Variants in NEGR1 observed in about 807,000 individuals in gnomAD.
The protein encoded by NEGR1 is neuronal growth regulator 1.
In NEGR1, 10 loss-of-function variants were observed where a neutral mutation model predicts 40.9. The observed-to-expected ratio is 0.24, with a 90% confidence interval of 0.15 to 0.42. The LOEUF (loss-of-function observed/expected upper bound fraction) is 0.42. Among genes scored for constraint, NEGR1 ranks in the 10% least tolerant of loss-of-function variants. NEGR1 has a pLI of 1.00. For synonymous variants in NEGR1, 185 were observed against 166.8 expected (o/e 1.11, Z -0.84); for missense variants, 352 against 438.9 (o/e 0.80, Z 1.77).
intron 1 of NEGR1, among the ~76,000 whole-genome samples, chr1:72,130,536 CT>C (rs1485203860): frequency 1.3e-5 from 2 of 152,032 alleles, no homozygotes; most frequent in Non-Finnish European, 2.9e-5. Flanking sequence ...GCGTTTAGTG[CT>C]TTTTTGGAAT....
intron 5 of NEGR1, among the ~76,000 whole-genome samples, chr1:71,597,408 T>TTC (rs1649747018): frequency 2.3e-5 from 1 of 43,706 alleles, no homozygotes; most frequent in Non-Finnish European, 8.5e-5. Flanking sequence ...GGATGGAGTT[T>TTC]TATTTATATA....
At chr1:71,663,685 T>C (rs1194967012) in intron 4 of NEGR1, among the ~76,000 whole-genome samples, 1 of 152,200 alleles carries the variant, frequency 6.6e-6, no homozygotes, top group East Asian at 1.9e-4. Context: ...CTTTAGAAAA[T>C]TGAACTCAAT....
chr1:71,861,110 G>A (rs1659932493), intron 2 of NEGR1, among the ~76,000 whole-genome samples: 1 of 151,998 alleles, frequency 6.6e-6, no homozygotes, highest in Non-Finnish European at 1.5e-5. Context: ...TGTATATTGA[G>A]AATAGTGTTT....
At chr1:72,095,906 C>T (rs1648679076) in intron 1 of NEGR1, among the ~76,000 whole-genome samples, 1 of 152,062 alleles carries the variant, frequency 6.6e-6, no homozygotes, top group African/African-American at 2.4e-5. Flanking sequence ...TTCTCTTTTC[C>T]TTTCCACTTT....
At chr1:71,884,901 G>A (rs75242028) in intron 2 of NEGR1, among the ~76,000 whole-genome samples, 6,178 of 152,214 alleles carry the variant, frequency 0.041, 177 homozygotes, top group Non-Finnish European at 0.062. Flanking sequence ...TTTTCTAGGT[G>A]TATGAAATAA....
At chr1:71,486,668 G>T (rs1569933993) in intron 6 of NEGR1, 1 of 151,384 alleles carries the variant, frequency 6.6e-6, no homozygotes, top group African/African-American at 2.4e-5. Flanking sequence ...GTCTGTTATA[G>T]GAGTCCTAAA....
At chr1:71,760,028 G>C (rs778262825) in intron 3 of NEGR1, among the ~76,000 whole-genome samples, 2 of 151,980 alleles carry the variant, frequency 1.3e-5, no homozygotes, top group African/African-American at 2.4e-5. Flanking sequence ...TGAAAAAATC[G>C]AATTCACAAA....
chr1:71,684,295 A>T (rs568228564), intron 4 of NEGR1, among the ~76,000 whole-genome samples: 1 of 152,194 alleles, frequency 6.6e-6, no homozygotes, highest in Non-Finnish European at 1.5e-5. Flanking sequence ...ACGCATATTA[A>T]TTAAATATTA....
chr1:72,264,950 T>C (rs1461984170), intron 1 of NEGR1, among the ~76,000 whole-genome samples: 1 of 150,678 alleles, frequency 6.6e-6, no homozygotes, highest in African/African-American at 2.4e-5. Flanking sequence ...ATTATGTTAA[T>C]ATAATAAATT....
intron 1 of NEGR1, among the ~76,000 whole-genome samples, chr1:71,990,287 C>A (rs578249032): frequency 6.5e-4 from 99 of 152,250 alleles, no homozygotes; most frequent in Non-Finnish European, 1.3e-3. Context: ...TGAAGCGCCT[C>A]AACAATTATG....
intron 4 of NEGR1, among the ~76,000 whole-genome samples, chr1:71,695,700 A>G (rs12140971): frequency 2.0e-5 from 3 of 151,518 alleles, no homozygotes; most frequent in Non-Finnish European, 4.4e-5. Flanking sequence ...AGAATTCTGC[A>G]TGGGTCTTTC....
At chr1:71,866,243 G>C (rs974461324) in intron 2 of NEGR1, among the ~76,000 whole-genome samples, 1 of 151,968 alleles carries the variant, frequency 6.6e-6, no homozygotes, top group Non-Finnish European at 1.5e-5. Context: ...TTACAACTAA[G>C]AAACACAAGA....
intron 1 of NEGR1, among the ~76,000 whole-genome samples, chr1:72,211,330 A>T (rs1453293784): frequency 6.6e-6 from 1 of 151,678 alleles, no homozygotes; most frequent in Admixed American, 6.6e-5. Context: ...AGCCTTTATA[A>T]AGCCTTTATA....
At chr1:72,101,406 T>G (rs1469255239) in intron 1 of NEGR1, among the ~76,000 whole-genome samples, 1 of 152,110 alleles carries the variant, frequency 6.6e-6, no homozygotes, top group Non-Finnish European at 1.5e-5. Context: ...GCTTTTAAAA[T>G]ATTGTTCAAT....
chr1:71,731,233 G>GA (rs1158749754), intron 3 of NEGR1, among the ~76,000 whole-genome samples: 2 of 151,586 alleles, frequency 1.3e-5, no homozygotes, highest in Non-Finnish European at 2.9e-5. Context: ...TCTCATTTTT[G>GA]AAAAAAATAC....
chr1:71,473,146 G>A (rs1646793406), intron 6 of NEGR1, among the ~76,000 whole-genome samples: 1 of 152,072 alleles, frequency 6.6e-6, no homozygotes, highest in African/African-American at 2.4e-5. Flanking sequence ...GATAACAGTT[G>A]AGACTTTCCC....
intron 1 of NEGR1, among the ~76,000 whole-genome samples, chr1:72,236,393 C>T (rs188341822): frequency 1.3e-3 from 196 of 151,758 alleles, no homozygotes; most frequent in South Asian, 5.2e-3. Flanking sequence ...AACAAACCTG[C>T]GCGTTCTGCA....
rs150899774 is a variant in NEGR1, at chr1:72,198,349, G to A, written c.176+83970C>T. On this transcript the variant is annotated intron_variant, in intron 1 of 6. Transcript: ENST00000357731. ...AGTAGCTGACATGAGATGTAATATGGGAACTGAAAAGACTTAAGCCATGAG... is the reference window on the plus strand; with the variant it reads ...AGTAGCTGACATGAGATGTAATATGAGAACTGAAAAGACTTAAGCCATGAG... 3.9e-5 allele frequency among the ~76,000 whole-genome samples: 6 copies of A among 152,006 alleles called. No individual in the cohort carries two copies. In the East Asian group the frequency reaches 9.7e-4, roughly 25 times the overall value.
At chr1:72,162,777 C>T (rs1006215698) in intron 1 of NEGR1, among the ~76,000 whole-genome samples, 1 of 152,108 alleles carries the variant, frequency 6.6e-6, no homozygotes, top group East Asian at 1.9e-4. Context: ...CAATCATGGT[C>T]TTATTATGTG....
Sources: gnomAD v4.1 joint callset for allele counts (sites outside exome capture counted in the v4.1 genomes callset) on GRCh38, gnomAD v4.1.1 for gene constraint, MANE v1.5 for transcripts, NCBI Gene and HGNC (gene_info 2026-07-23, HGNC 2026-07-21) for gene names.